Variants in NUMB observed in about 807,000 individuals in gnomAD.
The protein encoded by NUMB is NUMB endocytic adaptor protein.
Under a neutral mutation model 59.7 loss-of-function variants are expected in NUMB, and 29 were observed. That is an observed-to-expected ratio of 0.49 (90% CI 0.36 to 0.66). The LOEUF (loss-of-function observed/expected upper bound fraction) is 0.66, where lower values mean the gene tolerates loss of function less well. NUMB is among the 30% of genes least tolerant of loss of function. NUMB has a pLI of 0.00. For synonymous variants in NUMB, 288 were observed against 288.2 expected (o/e 1.00, Z 0.01); for missense variants, 723 against 822.0 (o/e 0.88, Z 1.47).
chr14:73,339,956 A>G (rs949492933), intron 4 of NUMB, among the ~76,000 whole-genome samples: 1 of 150,338 alleles, frequency 6.7e-6, no homozygotes, highest in Admixed American at 6.7e-5. Flanking sequence ...CTCAAGGCAG[A>G]GCATCCTATG....
At chr14:73,364,943 G>A (rs371858020) in intron 3 of NUMB, among the ~76,000 whole-genome samples, 26 of 152,092 alleles carry the variant, frequency 1.7e-4, no homozygotes, top group Non-Finnish European at 2.6e-4. Context: ...CATAGTTAAG[G>A]CAAGAGAAAG....
chr14:73,449,151 C>T (rs911896033), intron 1 of NUMB, among the ~76,000 whole-genome samples: 22 of 152,148 alleles, frequency 1.4e-4, no homozygotes, highest in Non-Finnish European at 1.3e-4. Context: ...ATGGCAAAAG[C>T]TGTAATTACT....
chr14:73,354,073 C>T (rs2140016191), intron 4 of NUMB, among the ~76,000 whole-genome samples: 1 of 152,210 alleles, frequency 6.6e-6, no homozygotes, highest in South Asian at 2.1e-4. Context: ...CCATGTATTT[C>T]TCTAACCTGT....
At chr14:73,451,383 G>C (rs1883959873) in intron 1 of NUMB, among the ~76,000 whole-genome samples, 1 of 150,252 alleles carries the variant, frequency 6.7e-6, no homozygotes, top group South Asian at 2.1e-4. Context: ...GTTGCAGTGA[G>C]CCAAGATTGA....
At chr14:73,357,400 CAA>C (rs199955256) in intron 3 of NUMB, among the ~76,000 whole-genome samples, 12 of 133,640 alleles carry the variant, frequency 9.0e-5, no homozygotes, top group African/African-American at 2.2e-4. Flanking sequence ...GAAACTCTGT[CAA>C]AAAAAAAAAA....
chr14:73,365,100 C>A (rs928341293), intron 3 of NUMB, among the ~76,000 whole-genome samples: 2 of 152,162 alleles, frequency 1.3e-5, no homozygotes, highest in African/African-American at 4.8e-5. Flanking sequence ...AGTGCAGTGG[C>A]GTGATCTCGG....
intron 1 of NUMB, chr14:73,457,709 A>AG (rs2140222118): frequency 6.6e-6 from 1 of 152,346 alleles, no homozygotes; most frequent in Non-Finnish European, 1.5e-5. Flanking sequence ...CGGCCAGGCC[A>AG]GTTGGGTCTC....
At chr14:73,389,642 G>A (rs150548596) in intron 2 of NUMB, among the ~76,000 whole-genome samples, 2 of 152,240 alleles carry the variant, frequency 1.3e-5, no homozygotes, top group East Asian at 3.9e-4. Context: ...GTGAACCACC[G>A]TGCCCGGCCC....
chr14:73,395,410 C>G lies in NUMB; in HGVS notation c.-101+14527G>C, dbSNP rs958369291. Among the ~76,000 whole-genome samples the G allele has an allele frequency of 2.4e-4, 36 of 151,888 alleles. 1 individual carries two copies. The highest frequency in any genetic ancestry group is 8.5e-4 in the African/African-American group (35 of 41,314). ...GGCAGAGGTAGGTAGACTGGTTGAG[C>G]CCAGGAGTTTGAGACCAGCCTGGGC... On this transcript the variant is annotated intron_variant, in intron 2 of 12. Transcript: ENST00000555238.
At chr14:73,343,642 C>A (rs1892755249) in intron 4 of NUMB, among the ~76,000 whole-genome samples, 1 of 152,138 alleles carries the variant, frequency 6.6e-6, no homozygotes, top group Admixed American at 6.6e-5. Context: ...GCTGCCTTAT[C>A]CTAATACAAA....
intron 1 of NUMB, among the ~76,000 whole-genome samples, chr14:73,438,720 A>G (rs1882806716): frequency 6.6e-6 from 1 of 152,024 alleles, no homozygotes. Context: ...GCAGCCTCCA[A>G]AATTATCTAT....
chr14:73,401,640 GCTCACTGCAAGCTCCACCTCC>G (rs1896424673), intron 2 of NUMB, among the ~76,000 whole-genome samples: 1 of 148,604 alleles, frequency 6.7e-6, no homozygotes, highest in South Asian at 2.1e-4. Flanking sequence ...CATGACCTTG[GCTCACTGCAAGCTCCACCTCC>G]CAGGTTCAAG....
intron 1 of NUMB, among the ~76,000 whole-genome samples, chr14:73,438,387 T>G (rs1296572588): frequency 6.6e-6 from 1 of 152,250 alleles, no homozygotes; most frequent in East Asian, 1.9e-4. Context: ...TCCCAGCACT[T>G]TGGGAGGCCG....
At chr14:73,417,783 A>ACCGATGG (rs1897193851) in intron 1 of NUMB, among the ~76,000 whole-genome samples, 4 of 152,172 alleles carry the variant, frequency 2.6e-5, no homozygotes, top group African/African-American at 4.8e-5. Flanking sequence ...AAACAACCTA[A>ACCGATGG]GTGTCCACCG....
In NUMB at chr14:73,292,757, A is replaced by C. The variant is rs936644542; in HGVS notation, c.427T>G (p.Cys143Gly). 1.5e-5 allele frequency: 24 copies of C among 1,614,138 alleles called. No individual in the cohort carries two copies. Among genetic ancestry groups the C allele is most frequent in the Non-Finnish European group, 1.9e-5 (23 of 1,180,042 alleles). The change falls in exon 8 of 13, where the codon TGC becomes GGC. Residue 143 changes from cysteine to glycine, a missense_variant. Physicochemically the swap from Cys to Gly is radical, Grantham distance 159. This residue lies in a region of NUMB where 317 missense variants were observed against 436.6 expected (regional missense o/e 0.73). Coordinates refer to ENST00000555238, the MANE Select transcript of NUMB (RefSeq NM_001005743.2). ...ACTGTGTCCTTGACAGCCATGAAGC[A>C]GTGACAGATCCAGCGACGAGTGGTG... The part of the protein sequence containing the change: ...DGTTRRWICH[C>G]FMAVKDTGER...
intron 6 of NUMB, among the ~76,000 whole-genome samples, chr14:73,307,265 C>T (rs1005788310): frequency 4.0e-5 from 6 of 150,210 alleles, no homozygotes; most frequent in South Asian, 2.1e-4. Flanking sequence ...GCCGAGATTG[C>T]GCCACTGCAC....
intron 6 of NUMB, among the ~76,000 whole-genome samples, chr14:73,310,403 G>A (rs781517666): frequency 3.9e-5 from 6 of 152,200 alleles, no homozygotes; most frequent in Non-Finnish European, 7.3e-5. Flanking sequence ...TAAACTGTGT[G>A]CAGGCCATAC....
At position 73,357,883 on chromosome 14, in the gene NUMB, C is replaced by A. The variant is rs559739754; in HGVS notation, c.-15-2117G>T. ...TGGCATGCTCCAAATTATCCTGAGG[C>A]CCCCCCCAAAAAAAAAAAAACCCAC... On this transcript the variant is annotated intron_variant, in intron 3 of 12. Transcript: ENST00000555238. 2.3e-4 allele frequency among the ~76,000 whole-genome samples: 18 copies of A among 77,014 alleles called. No individual in the cohort carries two copies. The South Asian group carries it at 3.5e-3, about 15-fold the overall frequency. The allele number at this position is 77,014 out of a possible 152,430, so 50.5% of individuals were successfully genotyped here.
intron 2 of NUMB, among the ~76,000 whole-genome samples, chr14:73,367,344 T>TAGAGAGAGAGAGAGAG (rs1480182542): frequency 7.6e-4 from 64 of 84,160 alleles, no homozygotes; most frequent in African/African-American, 1.1e-3. Context: ...TATATATATA[T>TAGAGAGAGAGAGAGAG]ATATAGAGAG....
Sources: allele counts gnomAD v4.1 joint callset (sites outside exome capture counted in the v4.1 genomes callset), GRCh38; gene constraint gnomAD v4.1.1; regional missense constraint gnomAD v4.1.1; transcripts MANE v1.5; gene names NCBI Gene and HGNC (gene_info 2026-07-23, HGNC 2026-07-21).